The following NCAM1 variants were observed in gnomAD, a reference collection of about 807,000 sequenced individuals.
The protein encoded by NCAM1 is neural cell adhesion molecule 1.
NCAM1 carries 14 observed loss-of-function variants against 109.8 expected under a neutral mutation model. The ratio of observed to expected loss-of-function variants is 0.13; its 90% confidence interval spans 0.08 to 0.20. The LOEUF (loss-of-function observed/expected upper bound fraction) is 0.20. Among genes scored for constraint, NCAM1 ranks in the 10% least tolerant of loss-of-function variants. The pLI is 1.00. For missense variants in NCAM1, 774 were observed against 1,109.9 expected (o/e 0.70, Z 4.30); for synonymous variants, 418 against 442.9 (o/e 0.94, Z 0.70).
In NCAM1 at chr11:113,151,682, G is replaced by A. The variant is rs566859990; in HGVS notation, c.53-50697G>A. 4.6e-5 allele frequency among the ~76,000 whole-genome samples: 7 copies of A among 152,352 alleles called. No homozygotes were observed. In the Middle Eastern group the frequency reaches 0.01, roughly 222 times the overall value. On this transcript the variant is annotated intron_variant, in intron 1 of 19. Coordinates refer to ENST00000316851, the MANE Select transcript of NCAM1 (RefSeq NM_181351.5). ...TTTTTCCTGCTCTTCCGCTTCTGTCGTCAGTTTTCGTGGAAAGCTTTTAAT... is the reference window on the plus strand; with the variant it reads ...TTTTTCCTGCTCTTCCGCTTCTGTCATCAGTTTTCGTGGAAAGCTTTTAAT...
intron 1 of NCAM1, among the ~76,000 whole-genome samples, chr11:113,056,019 ATAT>A (rs1953698723): frequency 8.0e-6 from 1 of 124,868 alleles, no homozygotes; most frequent in Non-Finnish European, 1.7e-5. Flanking sequence ...ATATATATAT[ATAT>A]ATAAAATATA....
chr11:113,231,119 C>A, intron 9 of NCAM1: 1 of 1,357,740 alleles, frequency 7.4e-7, no homozygotes, highest in Non-Finnish European at 1.0e-6. Flanking sequence ...TTTAAACATC[C>A]AGGAAAGAGG....
intron 1 of NCAM1, among the ~76,000 whole-genome samples, chr11:113,201,154 T>G (rs1293158464): frequency 2.0e-5 from 3 of 152,166 alleles, no homozygotes; most frequent in South Asian, 2.1e-4. Flanking sequence ...GCTGGCATGG[T>G]TAGGAAGGCC....
rs1946406307 is a variant in NCAM1, at chr11:113,276,826, G to A, written c.*1439G>A. On this transcript the variant is annotated 3_prime_UTR_variant, in exon 20 of 20. Coordinates refer to ENST00000316851, the MANE Select transcript of NCAM1 (RefSeq NM_181351.5). ...GGGGAAAAAATACAGAAACTTTAAG[G>A]GGGATGGGAGGGGGGGGAGAAGGGA... 6.6e-6 allele frequency: 1 copy of A among 151,270 alleles called. No homozygotes were observed. The highest frequency in any genetic ancestry group is 2.5e-5 in the African/African-American group (1 of 40,798). The allele number at this position is 151,270 out of a possible 1,614,324, so 9.4% of individuals were successfully genotyped here.
intron 1 of NCAM1, among the ~76,000 whole-genome samples, chr11:113,067,227 C>A (rs1938009278): frequency 6.6e-6 from 1 of 152,108 alleles, no homozygotes; most frequent in South Asian, 2.1e-4. Context: ...AGCAGAATTG[C>A]CAAATACTGT....
At chr11:113,204,570 G>C in intron 3 of NCAM1, 66 bp downstream of exon 3, 1 of 1,477,928 alleles carries the variant, frequency 6.8e-7, no homozygotes, top group Non-Finnish European at 9.3e-7. Context: ...GTGGGTAGTG[G>C]AAAGGTGGAA....
intron 1 of NCAM1, among the ~76,000 whole-genome samples, chr11:113,080,295 A>C (rs1303013124): frequency 2.6e-5 from 4 of 152,190 alleles, no homozygotes; most frequent in Non-Finnish European, 5.9e-5. Context: ...AGGTAAGCAT[A>C]TATCTTTCCC....
intron 1 of NCAM1, among the ~76,000 whole-genome samples, chr11:113,190,548 T>C (rs914799011): frequency 5.9e-5 from 9 of 152,216 alleles, no homozygotes; most frequent in African/African-American, 2.2e-4. Flanking sequence ...TCTGAGTTCC[T>C]GATAAGCCAT....
intron 1 of NCAM1, among the ~76,000 whole-genome samples, chr11:113,055,469 A>G (rs1048061947): frequency 2.6e-5 from 4 of 152,194 alleles, no homozygotes; most frequent in Non-Finnish European, 4.4e-5. Context: ...TAGTAACCTA[A>G]AAGTCATATC....
At chr11:113,236,615 G>C (rs1945175610) in intron 14 of NCAM1, among the ~76,000 whole-genome samples, 1 of 152,186 alleles carries the variant, frequency 6.6e-6, no homozygotes, top group African/African-American at 2.4e-5. Flanking sequence ...TGTTTGCTGA[G>C]CCAAGCATGG....
intron 1 of NCAM1, among the ~76,000 whole-genome samples, chr11:113,116,902 G>A (rs1399604832): frequency 1.4e-4 from 21 of 151,890 alleles, no homozygotes; most frequent in Non-Finnish European, 1.6e-4. Flanking sequence ...ATAGAAAAAT[G>A]TTTATTAAAA....
At chr11:113,269,605 A>T (rs573854970) in intron 17 of NCAM1, 1 of 155,738 alleles carries the variant, frequency 6.4e-6, no homozygotes, top group South Asian at 2.0e-4. Context: ...AGGGTAAACT[A>T]TGAACCCAGT....
At chr11:113,236,309 C>T (rs1555118267) in intron 14 of NCAM1, 6 of 1,613,660 alleles carry the variant, frequency 3.7e-6, no homozygotes, top group Non-Finnish European at 5.1e-6. Context: ...AGATAGCCCT[C>T]CTCCACGTAA....
chr11:113,276,946 T>G lies in NCAM1; in HGVS notation c.*1559T>G, dbSNP rs1555126733. 1.2e-5 allele frequency: 2 copies of G among 161,526 alleles called. No homozygotes were observed. Among genetic ancestry groups the G allele is most frequent in the Non-Finnish European group, 2.7e-5 (2 of 74,040 alleles). The allele number at this position is 161,526 out of a possible 1,614,324, so 10.0% of individuals were successfully genotyped here. On this transcript the variant is annotated 3_prime_UTR_variant, in exon 20 of 20. Transcript: ENST00000316851. Reference sequence around the variant, plus strand: ...CACTGTGGATGCGTGAATATTTTAGTGTGAAACGTGTTTTTGTCATAGTAT... The same window carrying G: ...CACTGTGGATGCGTGAATATTTTAGGGTGAAACGTGTTTTTGTCATAGTAT...
chr11:113,235,733 A>G (rs12279261), intron 14 of NCAM1, among the ~76,000 whole-genome samples: 34,107 of 152,120 alleles, frequency 0.22, 4,891 homozygotes, highest in African/African-American at 0.4. Context: ...TAGCAAGAGC[A>G]TTCCTCACGG....
Position 112,968,489 on chromosome 11 carries a change from G to T in NCAM1, c.52+6825G>T, listed in dbSNP as rs1311613758. ...AATTATATCTTAATCATCACGTTAT[G>T]GTTTACAAAACACTTTGATATGTGC... On this transcript the variant is annotated intron_variant, in intron 1 of 19. Transcript: ENST00000316851. 5.3e-5 allele frequency among the ~76,000 whole-genome samples: 8 copies of T among 152,064 alleles called. No individual in the cohort carries two copies. The South Asian group carries it at 1.7e-3, about 32-fold the overall frequency.
intron 7 of NCAM1, among the ~76,000 whole-genome samples, chr11:113,210,502 A>G (rs1223183598): frequency 6.6e-6 from 1 of 152,124 alleles, no homozygotes; most frequent in Non-Finnish European, 1.5e-5. Context: ...TACTAGAATC[A>G]GTGCACTCTG....
chr11:113,245,536 C>T (rs1400151219), intron 14 of NCAM1, among the ~76,000 whole-genome samples: 1 of 152,202 alleles, frequency 6.6e-6, no homozygotes, highest in African/African-American at 2.4e-5. Context: ...TGTTTAGTGT[C>T]AACACAGCCA....
intron 1 of NCAM1, among the ~76,000 whole-genome samples, chr11:113,073,568 AT>A (rs1405368209): frequency 6.6e-6 from 1 of 152,102 alleles, no homozygotes; most frequent in African/African-American, 2.4e-5. Flanking sequence ...ATGTTTCTCA[AT>A]TTTTTACTTA....
Sources: gnomAD v4.1 joint callset for allele counts (sites outside exome capture counted in the v4.1 genomes callset) on GRCh38, gnomAD v4.1.1 for gene constraint, MANE v1.5 for transcripts, NCBI Gene and HGNC (gene_info 2026-07-23, HGNC 2026-07-21) for gene names.